Variants in MAPK6 observed in about 807,000 individuals in gnomAD.
MAPK6 encodes ERK-3.
Under a neutral mutation model 59.3 loss-of-function variants are expected in MAPK6, and 19 were observed. The observed-to-expected ratio is 0.32, with a 90% CI of 0.22 to 0.47. MAPK6 has a LOEUF of 0.47. Ranked by LOEUF, MAPK6 falls within the 20% of genes least tolerant of loss-of-function variation. The pLI, the probability that MAPK6 is intolerant of heterozygous loss-of-function variation, is 1.00. For synonymous variants in MAPK6, 316 were observed against 290.3 expected (o/e 1.09, Z -0.90); for missense variants, 724 against 847.9 (o/e 0.85, Z 1.81).
At chr15:52,015,220 C>T (rs2030200799), upstream of MAPK6, among the ~76,000 whole-genome samples, 1 of 151,446 alleles carries the variant, frequency 6.6e-6, no homozygotes, top group Admixed American at 6.6e-5. Flanking sequence ...AGGCTGGTCT[C>T]AAACTCCTAA....
At chr15:52,052,530 G>C (rs2141101057) in intron 3 of MAPK6, among the ~76,000 whole-genome samples, 1 of 152,160 alleles carries the variant, frequency 6.6e-6, no homozygotes, top group Non-Finnish European at 1.5e-5. Flanking sequence ...CTTGGCTCCT[G>C]AAAGATCCTG....
intron 1 of MAPK6, among the ~76,000 whole-genome samples, chr15:52,035,388 G>A (rs1231831563): frequency 2.0e-5 from 3 of 152,082 alleles, no homozygotes; most frequent in African/African-American, 4.8e-5. Context: ...TAATCCCACC[G>A]CTTTGGGAGG....
At chr15:52,056,203 G>A (rs538728919) in intron 3 of MAPK6, among the ~76,000 whole-genome samples, 1 of 152,324 alleles carries the variant, frequency 6.6e-6, no homozygotes, top group Non-Finnish European at 1.5e-5. Flanking sequence ...CTCTATAGGT[G>A]TTCCTGTCCC....
intron 3 of MAPK6, among the ~76,000 whole-genome samples, chr15:52,057,714 G>A (rs762939561): frequency 6.6e-6 from 1 of 152,124 alleles, no homozygotes; most frequent in South Asian, 2.1e-4. Context: ...GCTAATTTTT[G>A]TATTTTTGGT....
chr15:52,032,972 A>ACCG (rs2031097657), intron 1 of MAPK6, among the ~76,000 whole-genome samples: 1 of 151,560 alleles, frequency 6.6e-6, no homozygotes, highest in Non-Finnish European at 1.5e-5. Flanking sequence ...GGCGTGAGCC[A>ACCG]CCGCGCCCGG....
intron 1 of MAPK6, among the ~76,000 whole-genome samples, chr15:52,036,853 G>A (rs1343734212): frequency 6.9e-6 from 1 of 145,656 alleles, no homozygotes; most frequent in Non-Finnish European, 1.5e-5. Flanking sequence ...TTTTGTGAAA[G>A]CAGGTTTATT....
intron 1 of MAPK6, among the ~76,000 whole-genome samples, chr15:52,025,295 C>T (rs183776400): frequency 3.3e-5 from 5 of 152,206 alleles, no homozygotes; most frequent in East Asian, 1.9e-4. Flanking sequence ...TTGCTCAGCT[C>T]GTTAGTCTTC....
At chr15:51,999,021 C>T (rs1316001906) in intron 2 of MAPK6, among the ~76,000 whole-genome samples, 1 of 142,308 alleles carries the variant, frequency 7.0e-6, no homozygotes, top group Non-Finnish European at 1.5e-5. Context: ...TGGAGTCTCA[C>T]TCTGTCGCCC....
At chr15:52,018,244 G>A (rs1042673895), upstream of MAPK6, among the ~76,000 whole-genome samples, 3 of 152,032 alleles carry the variant, frequency 2.0e-5, no homozygotes, top group African/African-American at 7.2e-5. Flanking sequence ...GGCCATGCTG[G>A]TCTCGAACTC....
intron 3 of MAPK6, among the ~76,000 whole-genome samples, chr15:52,054,988 C>T (rs1010478933): frequency 6.6e-6 from 1 of 152,198 alleles, no homozygotes; most frequent in Non-Finnish European, 1.5e-5. Flanking sequence ...CCCTTTTGGC[C>T]AGGCCGGTCT....
intron 3 of MAPK6, among the ~76,000 whole-genome samples, chr15:52,053,044 C>G (rs558720899): frequency 1.4e-5 from 2 of 147,712 alleles, no homozygotes; most frequent in Admixed American, 6.8e-5. Flanking sequence ...GCCATCCTAT[C>G]GGGTATGAAG....
At chr15:51,981,339 G>T (rs972854688) in intron 1 of MAPK6, among the ~76,000 whole-genome samples, 1 of 152,020 alleles carries the variant, frequency 6.6e-6, no homozygotes, top group Non-Finnish European at 1.5e-5. Flanking sequence ...CGCGTGTGGT[G>T]GCGGGCGCCT....
intron 1 of MAPK6, chr15:52,024,558 C>G (rs1566902841): frequency 6.6e-6 from 1 of 152,116 alleles, no homozygotes; most frequent in East Asian, 1.9e-4. Flanking sequence ...TGCCACCGCG[C>G]CTGGCTAATT....
At position 52,050,157 on chromosome 15, in the gene MAPK6, A is replaced by G. The variant is rs184690328; in HGVS notation, c.700+20A>G. On this transcript the variant is annotated intron_variant, in intron 3 of 5. Transcript: ENST00000261845. The stretch of plus-strand genomic sequence containing the variant: ...TTGCAGGTTAGTATTTTGTGGGGGG[A>G]AAAATTTTCCCAAAGAGAAGTAATT... 6.6e-5 allele frequency: 105 copies of G among 1,582,886 alleles called. No homozygotes were observed. The highest frequency in any genetic ancestry group is 1.9e-4 in the Admixed American group (9 of 48,612).
At chr15:51,979,753 C>G (rs2057167917) in intron 1 of MAPK6, among the ~76,000 whole-genome samples, 1 of 151,608 alleles carries the variant, frequency 6.6e-6, no homozygotes, top group South Asian at 2.1e-4. Context: ...GAGATTGCGC[C>G]ACTGCACTCC....
intron 1 of MAPK6, among the ~76,000 whole-genome samples, chr15:52,026,136 T>A (rs2030765122): frequency 6.6e-6 from 1 of 152,248 alleles, no homozygotes; most frequent in South Asian, 2.1e-4. Flanking sequence ...TTTTCCTTAG[T>A]TATCCTGTGG....
At chr15:52,002,917 G>A (rs530468861) in intron 2 of MAPK6, among the ~76,000 whole-genome samples, 2 of 152,176 alleles carry the variant, frequency 1.3e-5, no homozygotes, top group East Asian at 1.9e-4. Context: ...CACCGGGCGC[G>A]GTGGCTCATA....
rs1447074153 is a variant in MAPK6, at chr15:52,065,620, C to T, written c.*620C>T. 6.6e-6 allele frequency: 1 copy of T among 152,562 alleles called. No homozygotes were observed. The highest frequency in any genetic ancestry group is 2.4e-5 in the African/African-American group (1 of 41,438). 9.5% of individuals were successfully genotyped at this position (152,562 alleles called of 1,614,324 possible). On this transcript the variant is annotated 3_prime_UTR_variant, in exon 6 of 6. Coordinates refer to ENST00000261845, the MANE Select transcript of MAPK6 (RefSeq NM_002748.4). ...AACTCACTCACTGTTTATAAATGTT[C>T]TGGTATGCATTCTTTATAGTGAAGT...
intron 2 of MAPK6, among the ~76,000 whole-genome samples, chr15:51,991,345 C>T (rs1415088269): frequency 6.6e-6 from 1 of 152,136 alleles, no homozygotes; most frequent in Non-Finnish European, 1.5e-5. Context: ...CAAACACCTT[C>T]ACTTTGCTGT....
Sources: allele counts gnomAD v4.1 joint callset (sites outside exome capture counted in the v4.1 genomes callset), GRCh38; gene constraint gnomAD v4.1.1; transcripts MANE v1.5; gene names NCBI Gene and HGNC (gene_info 2026-07-23, HGNC 2026-07-21).